The following SLC36A1 variants were observed in gnomAD, a reference collection of about 807,000 sequenced individuals.
The protein encoded by SLC36A1 is solute carrier family 36 member 1.
Under a neutral mutation model 47.5 loss-of-function variants are expected in SLC36A1, and 30 were observed. The observed-to-expected ratio is 0.63, with a 90% confidence interval of 0.47 to 0.86. The LOEUF (loss-of-function observed/expected upper bound fraction) is 0.86. Ranked by LOEUF, SLC36A1 falls within the 40% of genes least tolerant of loss-of-function variation. The pLI, the probability that SLC36A1 is intolerant of heterozygous loss-of-function variation, is 0.00. For synonymous variants in SLC36A1, 255 were observed against 249.7 expected, an observed-to-expected ratio of 1.02 and a Z score of -0.20; for missense variants, 517 against 606.0, an observed-to-expected ratio of 0.85 and a Z score of 1.54.
chr5:151,377,653 C>T, the SLC36A1 span, among the ~76,000 whole-genome samples: 15 of 152,140 alleles, frequency 9.9e-5, no homozygotes, highest in Non-Finnish European at 1.8e-4. Flanking sequence ...GGCCTGCTGT[C>T]TCTTTCTTTA....
chr5:151,459,262 A>G (rs1288575288), intron 2 of SLC36A1, among the ~76,000 whole-genome samples: 3 of 152,246 alleles, frequency 2.0e-5, no homozygotes, highest in Non-Finnish European at 2.9e-5. Flanking sequence ...ATTTCCAAGC[A>G]TAATCGGAAG....
At chr5:151,518,958 C>A in the SLC36A1 span, among the ~76,000 whole-genome samples, 2 of 152,118 alleles carry the variant, frequency 1.3e-5, no homozygotes, top group Admixed American at 1.3e-4. Flanking sequence ...CCTCTAGATA[C>A]CTAGCAAAGA....
the SLC36A1 span, chr5:151,509,693 C>A: frequency 2.9e-5 from 7 of 237,866 alleles, no homozygotes; most frequent in Middle Eastern, 1.5e-3. Context: ...CCAACTGATT[C>A]TACGTTATGG....
the SLC36A1 span, chr5:151,549,381 A>C: frequency 6.2e-7 from 1 of 1,614,058 alleles, no homozygotes; most frequent in Admixed American, 1.7e-5. Context: ...GCCGGGGGCT[A>C]TGGTGTCAGG....
chr5:151,376,957 A>G, the SLC36A1 span, among the ~76,000 whole-genome samples: 1 of 152,120 alleles, frequency 6.6e-6, no homozygotes, highest in Non-Finnish European at 1.5e-5. Flanking sequence ...TTTCCATCTT[A>G]ATTTCATCAT....
chr5:151,380,273 T>A, the SLC36A1 span: 1 of 247,380 alleles, frequency 4.0e-6, no homozygotes, highest in Non-Finnish European at 8.1e-6. Context: ...TCACCTGAGG[T>A]CCGGAGTTCG....
the SLC36A1 span, among the ~76,000 whole-genome samples, chr5:151,427,130 C>G: frequency 6.6e-6 from 1 of 152,196 alleles, no homozygotes; most frequent in Non-Finnish European, 1.5e-5. Context: ...ATCTCTCTTT[C>G]TTTACCCCAC....
chr5:151,425,923 T>C, the SLC36A1 span, among the ~76,000 whole-genome samples: 3 of 151,922 alleles, frequency 2.0e-5, no homozygotes, highest in Non-Finnish European at 4.4e-5. Context: ...CTGTTAATAG[T>C]TTCTCATGTA....
intron 10 of SLC36A1, 93 bp downstream of exon 10, chr5:151,479,582 G>A: frequency 6.9e-7 from 1 of 1,455,678 alleles, no homozygotes; most frequent in Non-Finnish European, 9.4e-7. Context: ...GTGTTGTAGT[G>A]AAGCTGGCTA....
the SLC36A1 span, chr5:151,544,929 A>G: frequency 6.2e-7 from 1 of 1,613,878 alleles, no homozygotes; most frequent in East Asian, 2.2e-5. Context: ...ATTTGGGGGG[A>G]TTGTCATTGA....
At chr5:151,458,987 C>T in intron 2 of SLC36A1, 52 bp downstream of exon 2, 1 of 1,535,920 alleles carries the variant, frequency 6.5e-7, no homozygotes. Context: ...GTTCCTAAGC[C>T]TCCCTTGGAC....
the SLC36A1 span, chr5:151,553,461 C>A: frequency 7.7e-7 from 1 of 1,301,122 alleles, no homozygotes. Flanking sequence ...AGGACAGGAA[C>A]CAGAGCGTCC....
At chr5:151,546,151 A>T in the SLC36A1 span, 2 of 1,614,144 alleles carry the variant, frequency 1.2e-6, no homozygotes, top group East Asian at 2.2e-5. Flanking sequence ...TTTTGAAAAG[A>T]TGGGGGCACT....
intron 2 of SLC36A1, among the ~76,000 whole-genome samples, chr5:151,463,207 G>T (rs1404920007): frequency 2.6e-5 from 4 of 152,204 alleles, no homozygotes; most frequent in Admixed American, 1.3e-4. Context: ...CAGTTCAGTG[G>T]TTAGAACCAG....
chr5:151,415,680 A>G, the SLC36A1 span, among the ~76,000 whole-genome samples: 8 of 152,074 alleles, frequency 5.3e-5, no homozygotes, highest in Non-Finnish European at 5.9e-5. Context: ...GTTTGTCTCT[A>G]TTTTCCTAGC....
chr5:151,388,428 G>T, the SLC36A1 span, among the ~76,000 whole-genome samples: 1 of 151,204 alleles, frequency 6.6e-6, no homozygotes, highest in Non-Finnish European at 1.5e-5. Flanking sequence ...TTGAATCTGG[G>T]AGGTGGAGCT....
chr5:151,458,304 G>GTGTGTGTGTATA (rs1175105944), intron 1 of SLC36A1, among the ~76,000 whole-genome samples: 1 of 76,592 alleles, frequency 1.3e-5, no homozygotes, highest in African/African-American at 7.3e-5. Context: ...ACATACACGT[G>GTGTGTGTGTATA]TATATACGTA....
the SLC36A1 span, among the ~76,000 whole-genome samples, chr5:151,527,774 C>A: frequency 6.6e-6 from 1 of 152,164 alleles, no homozygotes; most frequent in African/African-American, 2.4e-5. Flanking sequence ...TGAGAAGCCA[C>A]CTGAGGTCCT....
the SLC36A1 span, among the ~76,000 whole-genome samples, chr5:151,391,532 G>A: frequency 6.6e-6 from 1 of 152,330 alleles, no homozygotes; most frequent in East Asian, 1.9e-4. Flanking sequence ...GATATTGGCT[G>A]TGGGTTTGTC....
Sources: gnomAD v4.1 joint callset for allele counts (sites outside exome capture counted in the v4.1 genomes callset) on GRCh38, gnomAD v4.1.1 for gene constraint, MANE v1.5 for transcripts, NCBI Gene and HGNC (gene_info 2026-07-23, HGNC 2026-07-21) for gene names.